The following TSHZ2 variants were observed in gnomAD, a reference collection of about 807,000 sequenced individuals.
The protein encoded by TSHZ2 is teashirt zinc finger homeobox 2, also known as teashirt homolog 2.
TSHZ2 carries 21 observed loss-of-function variants against 74.4 expected under a neutral mutation model. The ratio of observed to expected loss-of-function variants is 0.28; its 90% CI spans 0.20 to 0.41. TSHZ2 has a LOEUF of 0.41. TSHZ2 is among the 10% of genes least tolerant of loss of function. The pLI, the probability that TSHZ2 is intolerant of heterozygous loss-of-function variation, is 1.00. For synonymous variants in TSHZ2, 540 were observed against 515.3 expected, an observed-to-expected ratio of 1.05 and a Z score of -0.65; for missense variants, 1,244 against 1,293.5, an observed-to-expected ratio of 0.96 and a Z score of 0.59.
chr20:53,081,654 T>C (rs1481353456), intron 1 of TSHZ2, among the ~76,000 whole-genome samples: 9 of 152,230 alleles, frequency 5.9e-5, no homozygotes, highest in Admixed American at 3.3e-4. Context: ...AAAATACTTA[T>C]TTATCACGGT....
At chr20:53,272,158 C>T (rs561826212) in intron 2 of TSHZ2, among the ~76,000 whole-genome samples, 6 of 152,048 alleles carry the variant, frequency 3.9e-5, no homozygotes, top group African/African-American at 9.6e-5. Flanking sequence ...ATTACAGGCA[C>T]GCACCACCAC....
At chr20:53,116,339 T>C (rs1170744016) in intron 1 of TSHZ2, among the ~76,000 whole-genome samples, 1 of 152,210 alleles carries the variant, frequency 6.6e-6, no homozygotes, top group Non-Finnish European at 1.5e-5. Flanking sequence ...TTCGGTAACC[T>C]GGAGGTTCCT....
intron 2 of TSHZ2, among the ~76,000 whole-genome samples, chr20:53,407,332 C>T (rs372648892): frequency 6.6e-6 from 1 of 152,340 alleles, no homozygotes; most frequent in South Asian, 2.1e-4. Flanking sequence ...ACACAGTGGT[C>T]ATTTTTGCCC....
intron 2 of TSHZ2, among the ~76,000 whole-genome samples, chr20:53,471,465 T>G (rs1985796066): frequency 2.0e-5 from 3 of 152,224 alleles, no homozygotes; most frequent in African/African-American, 7.2e-5. Context: ...GATGTGCTTA[T>G]ACGCTGCAAT....
At chr20:52,992,408 C>T (rs756928232) in intron 1 of TSHZ2, among the ~76,000 whole-genome samples, 11 of 152,174 alleles carry the variant, frequency 7.2e-5, no homozygotes, top group Non-Finnish European at 1.6e-4. Context: ...CACTCGTGAA[C>T]ATTTGCTTAT....
At chr20:53,003,184 G>T (rs936478060) in intron 1 of TSHZ2, among the ~76,000 whole-genome samples, 51 of 151,692 alleles carry the variant, frequency 3.4e-4, no homozygotes, top group Non-Finnish European at 4.1e-4. Flanking sequence ...CTTCATTGTG[G>T]GGAGAAACAT....
chr20:53,229,350 A>C (rs1438230383), intron 1 of TSHZ2, among the ~76,000 whole-genome samples: 1 of 152,140 alleles, frequency 6.6e-6, no homozygotes, highest in African/African-American at 2.4e-5. Context: ...TCCTCCAGCA[A>C]TGCCACCTTG....
intron 2 of TSHZ2, among the ~76,000 whole-genome samples, chr20:53,347,888 A>G (rs1980499666): frequency 6.6e-6 from 1 of 152,214 alleles, no homozygotes. Flanking sequence ...TAGTACATTG[A>G]CAATGTGTGC....
intron 2 of TSHZ2, among the ~76,000 whole-genome samples, chr20:53,331,093 T>A (rs1185653359): frequency 2.0e-5 from 3 of 152,208 alleles, no homozygotes; most frequent in African/African-American, 7.2e-5. Flanking sequence ...GGGATTTGGA[T>A]GTACTAATGT....
At position 53,435,351 on chromosome 20, in the gene TSHZ2, T is replaced by G. The variant is rs547584825; in HGVS notation, c.*9-51793T>G. On this transcript the variant is annotated intron_variant, in intron 2 of 2. Transcript: ENST00000371497. ...ACTGAGACCAGGACAAGAGGGTGATTTGGAGCACTGCTAAGATGACTGTTT... is the reference window on the plus strand; with the variant it reads ...ACTGAGACCAGGACAAGAGGGTGATGTGGAGCACTGCTAAGATGACTGTTT... Among the ~76,000 whole-genome samples the G allele has an allele frequency of 2.0e-5, 3 of 152,218 alleles. No homozygotes were observed. In the South Asian group the frequency reaches 6.2e-4, roughly 32 times the overall value.
intron 1 of TSHZ2, among the ~76,000 whole-genome samples, chr20:53,169,690 C>A (rs1600722192): frequency 6.6e-6 from 1 of 152,226 alleles, no homozygotes; most frequent in East Asian, 1.9e-4. Flanking sequence ...TCCCCCTCCC[C>A]TTTTTAAACA....
intron 2 of TSHZ2, among the ~76,000 whole-genome samples, chr20:53,364,193 T>C (rs1981172146): frequency 6.6e-6 from 1 of 152,184 alleles, no homozygotes. Context: ...AAGGTCTGCC[T>C]GGGAGGAAGG....
intron 2 of TSHZ2, among the ~76,000 whole-genome samples, chr20:53,437,946 A>T (rs572207255): frequency 6.6e-6 from 1 of 152,274 alleles, no homozygotes; most frequent in East Asian, 1.9e-4. Flanking sequence ...TGCCAGCACT[A>T]TGCCTCTTGT....
intron 2 of TSHZ2, among the ~76,000 whole-genome samples, chr20:53,311,415 C>T (rs1314124068): frequency 6.6e-6 from 1 of 152,230 alleles, no homozygotes; most frequent in Non-Finnish European, 1.5e-5. Flanking sequence ...ATTAAAGCAT[C>T]TAGCCTCCAG....
chr20:53,161,234 T>C (rs560008177), intron 1 of TSHZ2, among the ~76,000 whole-genome samples: 2 of 150,388 alleles, frequency 1.3e-5, no homozygotes, highest in South Asian at 4.2e-4. Flanking sequence ...GCCAAATGAA[T>C]GTCTGCGGAA....
intron 2 of TSHZ2, among the ~76,000 whole-genome samples, chr20:53,386,048 TG>T (rs748949384): frequency 7.2e-5 from 11 of 152,174 alleles, no homozygotes; most frequent in Non-Finnish European, 1.5e-4. Context: ...CAAATGAGCC[TG>T]GCTCCTCCAC....
At chr20:53,434,138 G>A (rs753598085) in intron 2 of TSHZ2, among the ~76,000 whole-genome samples, 6 of 152,102 alleles carry the variant, frequency 3.9e-5, no homozygotes, top group Non-Finnish European at 8.8e-5. Context: ...CCAAAGTGCT[G>A]GGATTACAGG....
At chr20:53,296,394 A>G (rs1474415612) in intron 2 of TSHZ2, among the ~76,000 whole-genome samples, 1 of 152,240 alleles carries the variant, frequency 6.6e-6, no homozygotes, top group Non-Finnish European at 1.5e-5. Context: ...TGATCACCCA[A>G]CATTCAATAT....
intron 1 of TSHZ2, among the ~76,000 whole-genome samples, chr20:53,157,771 T>TC (rs1987831201): frequency 6.6e-6 from 1 of 152,222 alleles, no homozygotes; most frequent in Non-Finnish European, 1.5e-5. Flanking sequence ...AATGGATGGT[T>TC]CCTTGAGTGT....
Sources: gnomAD v4.1 joint callset for allele counts (sites outside exome capture counted in the v4.1 genomes callset) on GRCh38, gnomAD v4.1.1 for gene constraint, MANE v1.5 for transcripts, NCBI Gene and HGNC (gene_info 2026-07-23, HGNC 2026-07-21) for gene names.